Variants in SHROOM3 observed in about 807,000 individuals in gnomAD.
SHROOM3 encodes the protein shroom family member 3, also known as protein Shroom3.
Under a neutral mutation model 138.6 loss-of-function variants are expected in SHROOM3, and 47 were observed. The observed-to-expected ratio is 0.34, with a 90% CI of 0.27 to 0.43. The LOEUF is 0.43. Among genes scored for constraint, SHROOM3 ranks in the 20% least tolerant of loss-of-function variants. The pLI, the probability that SHROOM3 is intolerant of heterozygous loss-of-function variation, is 1.00. For synonymous variants in SHROOM3, 1,062 were observed against 1,063.3 expected (o/e 1.00, Z 0.02); for missense variants, 2,491 against 2,596.5 (o/e 0.96, Z 0.88).
intron 2 of SHROOM3, among the ~76,000 whole-genome samples, chr4:76,614,118 A>T (rs553248072): frequency 6.6e-6 from 1 of 152,038 alleles, no homozygotes; most frequent in Non-Finnish European, 1.5e-5. Context: ...TGCAGTGGCG[A>T]GATCTCGGCT....
chr4:76,609,529 C>G (rs576432424), intron 2 of SHROOM3, among the ~76,000 whole-genome samples: 1 of 152,314 alleles, frequency 6.6e-6, no homozygotes, highest in South Asian at 2.1e-4. Flanking sequence ...CCTCAGCCTC[C>G]CAAACTGTTG....
At chr4:76,445,925 T>C (rs532992109) in intron 1 of SHROOM3, among the ~76,000 whole-genome samples, 1 of 152,310 alleles carries the variant, frequency 6.6e-6, no homozygotes, top group Admixed American at 6.5e-5. Flanking sequence ...GTCAACATCA[T>C]AGTAACTTAG....
At chr4:76,445,401 C>T (rs1004754896) in intron 1 of SHROOM3, among the ~76,000 whole-genome samples, 5 of 152,058 alleles carry the variant, frequency 3.3e-5, no homozygotes, top group African/African-American at 7.2e-5. Flanking sequence ...ATACCCAATA[C>T]GATATGTTCC....
chr4:76,503,440 A>T (rs1010816013), intron 1 of SHROOM3, among the ~76,000 whole-genome samples: 15 of 152,068 alleles, frequency 9.9e-5, no homozygotes, highest in East Asian at 5.8e-4. Flanking sequence ...ATATATATAT[A>T]TTTTTTGAGA....
At chr4:76,556,512 T>C (rs904384681) in intron 2 of SHROOM3, among the ~76,000 whole-genome samples, 1 of 152,222 alleles carries the variant, frequency 6.6e-6, no homozygotes, top group Non-Finnish European at 1.5e-5. Flanking sequence ...AGCTGATAAG[T>C]TGAAAAGCCA....
chr4:76,537,067 C>T (rs4504279), intron 1 of SHROOM3, among the ~76,000 whole-genome samples: 101,923 of 151,648 alleles, frequency 0.67, 34,605 homozygotes, highest in East Asian at 0.94. Context: ...GAGCCGAGAT[C>T]GCACCACTGT....
intron 1 of SHROOM3, among the ~76,000 whole-genome samples, chr4:76,455,882 C>T (rs1385938649): frequency 6.6e-6 from 1 of 152,122 alleles, no homozygotes; most frequent in Non-Finnish European, 1.5e-5. Context: ...CCCTCAGTAT[C>T]AGTGAGGAAT....
chr4:76,583,038 G>C (rs1734081232), intron 2 of SHROOM3, among the ~76,000 whole-genome samples: 1 of 152,218 alleles, frequency 6.6e-6, no homozygotes, highest in African/African-American at 2.4e-5. Context: ...ATGAGGAACA[G>C]ATGCGTTTGT....
Position 76,728,133 on chromosome 4 carries a change from G to A in SHROOM3, c.456-2671G>A, listed in dbSNP as rs939128675. On this transcript the variant is annotated intron_variant, in intron 3 of 10. Transcript: ENST00000296043. The stretch of plus-strand genomic sequence containing the variant: ...AGAGGTTGCAGTGAGCCAAGATTGC[G>A]CCACTGCACTCCAACCTGGGCAGCA... Among the ~76,000 whole-genome samples, 4 of 152,256 alleles carry A rather than the reference G, an allele frequency of 2.6e-5. No homozygotes were observed. The South Asian group carries it at 6.2e-4, about 24-fold the overall frequency.
At chr4:76,442,603 G>A (rs1451946486) in intron 1 of SHROOM3, among the ~76,000 whole-genome samples, 3 of 151,870 alleles carry the variant, frequency 2.0e-5, no homozygotes, top group Non-Finnish European at 4.4e-5. Flanking sequence ...TAGAGATAGG[G>A]TTTCACCGTG....
intron 8 of SHROOM3, among the ~76,000 whole-genome samples, chr4:76,758,781 A>C (rs1275423619): frequency 3.9e-5 from 6 of 152,206 alleles, no homozygotes; most frequent in Non-Finnish European, 7.3e-5. Flanking sequence ...TAATATCACA[A>C]GATTAAATAA....
intron 1 of SHROOM3, among the ~76,000 whole-genome samples, chr4:76,511,753 A>G (rs1732343031): frequency 6.6e-6 from 1 of 152,200 alleles, no homozygotes; most frequent in African/African-American, 2.4e-5. Flanking sequence ...ATTATAAACA[A>G]TAGTAGGAAA....
intron 1 of SHROOM3, among the ~76,000 whole-genome samples, chr4:76,550,868 A>G (rs116659984): frequency 0.038 from 5,759 of 150,996 alleles, 360 homozygotes; most frequent in African/African-American, 0.13. Flanking sequence ...GCATGGTGGC[A>G]CATGCCTGTG....
rs1560563360 is a variant in SHROOM3, at chr4:76,608,663, T to TAGCATAGCATAGCATAGCATAGCAC, written c.323+52904_323+52905insTAGCATAGCATAGCATAGCACAGCA. Among the ~76,000 whole-genome samples, 19 of 31,426 alleles carry TAGCATAGCATAGCATAGCATAGCAC rather than the reference T, an allele frequency of 6.0e-4. 1 individual carries two copies. Among genetic ancestry groups the TAGCATAGCATAGCATAGCATAGCAC allele is most frequent in the East Asian group, 1.2e-3 (1 of 856 alleles). The allele number at this position is 31,426 out of a possible 152,430, so 20.6% of individuals were successfully genotyped here. A position where few individuals can be genotyped will look rare whatever the true frequency, so the allele number is the denominator to read the frequency against. On this transcript the variant is annotated intron_variant, in intron 2 of 10. Transcript: ENST00000296043. The stretch of plus-strand genomic sequence containing the variant: ...TAGCATAGCATAGCATAGCATAGCA[T>TAGCATAGCATAGCATAGCATAGCAC]AGCACAGCATAGCACAGCACAGCAC...
Position 76,447,041 on chromosome 4 carries a change from G to T in SHROOM3, c.168+10821G>T, listed in dbSNP as rs368972191. On this transcript the variant is annotated intron_variant, in intron 1 of 10. Transcript: ENST00000296043. ...CTTGGCACGATCCTGGGAACTTCAC[G>T]TACAGTTGTTACCCTCAAAGCCATT... Among the ~76,000 whole-genome samples the T allele has an allele frequency of 2.6e-5, 4 of 152,082 alleles. No individual in the cohort carries two copies. In the East Asian group the frequency reaches 7.7e-4, roughly 29 times the overall value.
At chr4:76,585,617 G>A (rs1434918403) in intron 2 of SHROOM3, among the ~76,000 whole-genome samples, 3 of 152,130 alleles carry the variant, frequency 2.0e-5, no homozygotes, top group African/African-American at 7.2e-5. Flanking sequence ...CTACAAAGGC[G>A]GGCTGCATCG....
intron 2 of SHROOM3, among the ~76,000 whole-genome samples, chr4:76,595,663 A>G (rs1419158200): frequency 6.6e-6 from 1 of 152,176 alleles, no homozygotes; most frequent in African/African-American, 2.4e-5. Flanking sequence ...AGTAACTGGC[A>G]GGGAGTCAGA....
chr4:76,632,492 G>A (rs971354690), intron 2 of SHROOM3, among the ~76,000 whole-genome samples: 1 of 152,198 alleles, frequency 6.6e-6, no homozygotes, highest in Admixed American at 6.5e-5. Flanking sequence ...GAATGCTGCT[G>A]AGGGGTCCAT....
chr4:76,556,055 G>C (rs770344128), intron 2 of SHROOM3, among the ~76,000 whole-genome samples: 2 of 152,180 alleles, frequency 1.3e-5, no homozygotes, highest in Non-Finnish European at 2.9e-5. Flanking sequence ...GATGAAAAGT[G>C]ACACTCATCC....
Sources: allele counts gnomAD v4.1 joint callset (sites outside exome capture counted in the v4.1 genomes callset), GRCh38; gene constraint gnomAD v4.1.1; transcripts MANE v1.5; gene names NCBI Gene and HGNC (gene_info 2026-07-23, HGNC 2026-07-21).